Variants in HGD observed in about 807,000 individuals in gnomAD.
HGD encodes the protein homogentisate 1,2-dioxygenase.
A neutral mutation model predicts 60.8 loss-of-function variants in HGD; 61 were observed. The ratio of observed to expected loss-of-function variants is 1.00; its 90% confidence interval spans 0.82 to 1.24. The LOEUF is 1.24. HGD is among the 50% of genes most tolerant of loss of function. The pLI, the probability that HGD is intolerant of heterozygous loss-of-function variation, is 0.00. For missense variants in HGD, 542 were observed against 547.1 expected (o/e 0.99, Z 0.09); for synonymous variants, 212 against 187.7 (o/e 1.13, Z -1.06).
intron 1 of HGD, among the ~76,000 whole-genome samples, chr3:120,677,331 C>A (rs1054601097): frequency 2.0e-5 from 3 of 152,024 alleles, no homozygotes; most frequent in South Asian, 2.1e-4. Flanking sequence ...GGAGAAATAT[C>A]GCTGAATTCT....
At chr3:120,653,224 G>A (rs1941396394) in intron 4 of HGD, among the ~76,000 whole-genome samples, 1 of 152,172 alleles carries the variant, frequency 6.6e-6, no homozygotes, top group Admixed American at 6.5e-5. Context: ...TTGTCCCTAG[G>A]CTGCCTGACA....
chr3:120,643,367 G>A (rs762896538), intron 10 of HGD, among the ~76,000 whole-genome samples: 7 of 152,272 alleles, frequency 4.6e-5, no homozygotes, highest in East Asian at 1.9e-4. Context: ...CAGGTGATCC[G>A]CCTGCCTTGG....
intron 12 of HGD, among the ~76,000 whole-genome samples, chr3:120,636,139 G>T (rs144140050): frequency 0.093 from 13,939 of 149,564 alleles, 785 homozygotes; most frequent in Middle Eastern, 0.16. Context: ...AAAAAGCCAG[G>T]TGTGGTGGTG....
At chr3:120,629,838 C>G (rs1212978733) in intron 13 of HGD, among the ~76,000 whole-genome samples, 1 of 152,152 alleles carries the variant, frequency 6.6e-6, no homozygotes, top group Non-Finnish European at 1.5e-5. Context: ...CAACCTATCC[C>G]TGTTTGCAGA....
At chr3:120,670,351 C>A (rs1434931855) in intron 4 of HGD, 76 bp downstream of exon 4, 1 of 803,082 alleles carries the variant, frequency 1.2e-6, no homozygotes, top group Non-Finnish European at 2.3e-6. Context: ...TTTCCAATGA[C>A]CATGGTATTC....
At chr3:120,675,701 A>C in intron 2 of HGD, 91 bp downstream of exon 2, 1 of 931,870 alleles carries the variant, frequency 1.1e-6, no homozygotes, top group Non-Finnish European at 1.8e-6. Context: ...CTAGATTGGA[A>C]GAGCCACGGT....
At chr3:120,633,656 T>G in intron 12 of HGD, 3 of 1,176,312 alleles carry the variant, frequency 2.6e-6, no homozygotes, top group Non-Finnish European at 3.4e-6. Flanking sequence ...AGAGAGCGAA[T>G]GTACTCTATC....
At chr3:120,681,854 CAAT>C (rs1708236062) in intron 1 of HGD, among the ~76,000 whole-genome samples, 1 of 152,136 alleles carries the variant, frequency 6.6e-6, no homozygotes, top group Non-Finnish European at 1.5e-5. Context: ...ATTTCCAAGA[CAAT>C]AATTGAAATG....
At position 120,647,048 on chromosome 3, in the gene HGD, C is replaced by A. The variant is rs2293734; in HGVS notation, c.474G>T (p.Pro158=). The A allele has an allele frequency of 9.6e-5, 155 of 1,613,462 alleles. No individual in the cohort carries two copies. The East Asian group carries it at 3.3e-3, about 34-fold the overall frequency. The part of the protein sequence containing the change: ...YNSDGDFLIV[P]QKGNLLIYTE... ...TGTAAATGAGAAGGTTCCCTTTCTG[C>A]GGAACTGACAAAAAAAGACAGGGCA... is the stretch of plus-strand genomic sequence containing the variant. Residue 158 remains proline, a synonymous_variant, in exon 8 of 14, where the codon CCG becomes CCT. Coordinates refer to ENST00000283871, the MANE Select transcript of HGD (RefSeq NM_000187.4).
At chr3:120,653,053 G>C (rs1941391668) in intron 4 of HGD, among the ~76,000 whole-genome samples, 1 of 152,184 alleles carries the variant, frequency 6.6e-6, no homozygotes, top group African/African-American at 2.4e-5. Context: ...TGGCATGCCA[G>C]CCTCCCTGTG....
intron 12 of HGD, among the ~76,000 whole-genome samples, chr3:120,636,603 G>A (rs533988638): frequency 2.6e-4 from 40 of 152,334 alleles, no homozygotes; most frequent in African/African-American, 8.4e-4. Flanking sequence ...GAGGAGAAAA[G>A]TTAGAGTCTT....
rs1378852540 is a variant in HGD, at chr3:120,628,212, C to T, written c.*168G>A. On this transcript the variant is annotated 3_prime_UTR_variant, in exon 14 of 14. Coordinates refer to ENST00000283871, the MANE Select transcript of HGD (RefSeq NM_000187.4). ...CAAGTTTATTGAGTAATTAAGGTGA[C>T]AGCCATAGAACTTTGCAAATGCGTT... 1.6e-5 allele frequency: 11 copies of T among 704,814 alleles called. No individual in the cohort carries two copies. Among genetic ancestry groups the T allele is most frequent in the South Asian group, 8.5e-5 (5 of 59,148 alleles). 43.7% of individuals were successfully genotyped at this position (704,814 alleles called of 1,614,324 possible).
At chr3:120,641,969 C>T (rs1475285759) in intron 10 of HGD, among the ~76,000 whole-genome samples, 1 of 152,166 alleles carries the variant, frequency 6.6e-6, no homozygotes, top group African/African-American at 2.4e-5. Context: ...CCAAGTAGTG[C>T]CTTTTCAACA....
intron 13 of HGD, among the ~76,000 whole-genome samples, chr3:120,630,205 C>T (rs1407687705): frequency 6.6e-6 from 1 of 152,096 alleles, no homozygotes; most frequent in Admixed American, 6.6e-5. Flanking sequence ...CTATCCAAAG[C>T]AATGTAAAGA....
chr3:120,644,417 C>A lies in HGD; in HGVS notation c.676G>T (p.Asp226Tyr). 6.2e-7 allele frequency: 1 copy of A among 1,614,132 alleles called. No individual in the cohort carries two copies. Among genetic ancestry groups the A allele is most frequent in the Non-Finnish European group, 8.5e-7 (1 of 1,179,990 alleles). ...TACCAGGCAATGGGTATCAAGAAAT[C>A]ACGAGGATTGGCCAAGCCATTGGCC... Reference protein sequence around the residue: ...IGANGLANPRDFLIPIAWYED... With the variant: ...IGANGLANPRYFLIPIAWYED... Residue 226 changes from aspartate (D) to tyrosine (Y), a missense_variant, in exon 10 of 14, where the codon GAT becomes TAT. Physicochemically the swap from Asp to Tyr is radical, Grantham distance 160. Coordinates refer to ENST00000283871, the MANE Select transcript of HGD (RefSeq NM_000187.4).
chr3:120,654,801 G>A (rs1941445383), intron 4 of HGD, among the ~76,000 whole-genome samples: 1 of 152,094 alleles, frequency 6.6e-6, no homozygotes, highest in East Asian at 1.9e-4. Context: ...GGCCAGGGGC[G>A]GTGGCTCACG....
intron 4 of HGD, among the ~76,000 whole-genome samples, chr3:120,659,958 T>A (rs1941612902): frequency 6.9e-6 from 1 of 145,944 alleles, no homozygotes; most frequent in Non-Finnish European, 1.5e-5. Context: ...GGTGGTTGCA[T>A]AATGGGGGTG....
At chr3:120,652,111 T>C (rs1199184240) in intron 5 of HGD, among the ~76,000 whole-genome samples, 2 of 152,194 alleles carry the variant, frequency 1.3e-5, no homozygotes, top group African/African-American at 2.4e-5. Context: ...ATGTTTTCCA[T>C]AGATATTATG....
At chr3:120,672,637 G>A (rs1708048464) in intron 3 of HGD, among the ~76,000 whole-genome samples, 1 of 152,156 alleles carries the variant, frequency 6.6e-6, no homozygotes, top group Admixed American at 6.6e-5. Context: ...CCAGCTCCCA[G>A]TATATGAAGT....
Sources: allele counts gnomAD v4.1 joint callset (sites outside exome capture counted in the v4.1 genomes callset), GRCh38; gene constraint gnomAD v4.1.1; transcripts MANE v1.5; gene names NCBI Gene and HGNC (gene_info 2026-07-23, HGNC 2026-07-21).